The following PARP4 variants were observed in gnomAD, a reference collection of about 807,000 sequenced individuals.
PARP4 encodes the protein poly(ADP-ribose) polymerase family member 4, also known as protein mono-ADP-ribosyltransferase PARP4.
A neutral mutation model predicts 187.7 loss-of-function variants in PARP4; 120 were observed. That is an observed-to-expected ratio of 0.64 (90% confidence interval 0.55 to 0.74). The LOEUF is 0.74. Among genes scored for constraint, PARP4 ranks in the 30% least tolerant of loss-of-function variants. The pLI, the probability that PARP4 is intolerant of heterozygous loss-of-function variation, is 0.00. For missense variants in PARP4, 1,836 were observed against 2,070.5 expected (o/e 0.89, Z 2.20); for synonymous variants, 654 against 740.9 (o/e 0.88, Z 1.90).
intron 25 of PARP4, among the ~76,000 whole-genome samples, chr13:24,449,442 C>T (rs1871391624): frequency 7.1e-6 from 1 of 140,460 alleles, no homozygotes; most frequent in South Asian, 2.4e-4. Flanking sequence ...AATAAGGAAA[C>T]AATTTCAGCA....
In PARP4 at chr13:24,477,686, A is replaced by G. The variant is rs771937409; in HGVS notation, c.1789+15T>C. On this transcript the variant is annotated intron_variant, in intron 14 of 33. Transcript: ENST00000381989. ...ATATAATAACATAAAACAGCATTCAAGAAAATTGTCCTACCTTCAACCTTT... is the reference window on the plus strand; with the variant it reads ...ATATAATAACATAAAACAGCATTCAGGAAAATTGTCCTACCTTCAACCTTT... 2.1e-6 allele frequency: 3 copies of G among 1,454,718 alleles called. No homozygotes were observed. In the South Asian group the frequency reaches 3.7e-5, roughly 18 times the overall value. 90.1% of individuals were successfully genotyped at this position (1,454,718 alleles called of 1,614,324 possible). A position where few individuals can be genotyped will look rare whatever the true frequency, so the allele number is the denominator to read the frequency against.
chr13:24,448,281 G>A (rs752503038), intron 25 of PARP4, among the ~76,000 whole-genome samples: 19 of 152,044 alleles, frequency 1.2e-4, no homozygotes, highest in Non-Finnish European at 2.6e-4. Flanking sequence ...GGTGGCATAT[G>A]CCTGTAGTCC....
intron 26 of PARP4, 40 bp from the exon 27 acceptor site, chr13:24,446,801 C>T (rs1365958741): frequency 2.9e-6 from 4 of 1,401,494 alleles, no homozygotes; most frequent in Non-Finnish European, 4.0e-6. Flanking sequence ...TTAGCCTTTC[C>T]ACTCTGCAGT....
intron 17 of PARP4, among the ~76,000 whole-genome samples, chr13:24,466,940 G>T (rs4769358): frequency 0.51 from 77,333 of 151,968 alleles, 19,997 homozygotes; most frequent in South Asian, 0.65. Context: ...ACTAGCAAGA[G>T]GGTAGATATA....
Position 24,460,221 on chromosome 13 carries a change from T to C in PARP4, c.2134-85A>G, listed in dbSNP as rs147390000. ...TAACTCCACGTACTTCTTAAGCAAC[T>C]TGAATGACAACCTGCCAAATTCTTC... is the stretch of plus-strand genomic sequence containing the variant. On this transcript the variant is annotated intron_variant, in intron 17 of 33. Transcript: ENST00000381989. 6.8e-4 allele frequency: 782 copies of C among 1,156,434 alleles called. 7 individuals carry two copies. The African/African-American group carries it at 0.01, about 15-fold the overall frequency. The allele number at this position is 1,156,434 out of a possible 1,614,324, so 71.6% of individuals were successfully genotyped here.
chr13:24,498,978 AT>A (rs1488590145), intron 5 of PARP4, among the ~76,000 whole-genome samples: 1 of 152,172 alleles, frequency 6.6e-6, no homozygotes, highest in African/African-American at 2.4e-5. Context: ...TAAACTTTAA[AT>A]TCTAAACATA....
At chr13:24,424,615 G>C (rs1869920543) in intron 33 of PARP4, among the ~76,000 whole-genome samples, 1 of 150,704 alleles carries the variant, frequency 6.6e-6, no homozygotes, top group South Asian at 2.1e-4. Context: ...AGATTTCTTT[G>C]TAATATTTTT....
intron 15 of PARP4, among the ~76,000 whole-genome samples, chr13:24,473,522 G>A (rs1485229121): frequency 6.6e-6 from 1 of 151,614 alleles, no homozygotes; most frequent in East Asian, 1.9e-4. Context: ...AGGGTATAGA[G>A]AAGGAAGCAG....
Position 24,455,070 on chromosome 13 carries a change from G to A in PARP4, c.2705C>T (p.Ala902Val), listed in dbSNP as rs758277432. Residue 902 changes from alanine (A) to valine (V), a missense_variant, in exon 22 of 34, where the codon GCG becomes GTG. Ala to Val is a moderately conservative substitution (Grantham distance 64, BLOSUM62 0). This residue lies in a region of PARP4 where 1,147 missense variants were observed against 1,214.2 expected (regional missense o/e 0.94). Coordinates refer to ENST00000381989, the MANE Select transcript of PARP4 (RefSeq NM_006437.4). ...CTGCTTCTCACCCACCAAGGACAGC[G>A]CATGCAAGGCGATTTGCTTGGCTTG... ...FLQAKQIALHALSLVGEKQKV... is the reference protein window; with the variant it reads ...FLQAKQIALHVLSLVGEKQKV... 9.3e-6 allele frequency: 15 copies of A among 1,612,674 alleles called. No individual in the cohort carries two copies. Among genetic ancestry groups the A allele is most frequent in the Admixed American group, 5.0e-5 (3 of 59,966 alleles).
chr13:24,423,315 G>A (rs1216534284), intron 33 of PARP4, among the ~76,000 whole-genome samples: 1 of 152,140 alleles, frequency 6.6e-6, no homozygotes, highest in African/African-American at 2.4e-5. Flanking sequence ...GCCAATGCAG[G>A]CAGATCACTT....
intron 1 of PARP4, 74 bp from the exon 2 acceptor site, chr13:24,503,851 A>C (rs2137547741): frequency 7.7e-7 from 1 of 1,306,902 alleles, no homozygotes. Context: ...TTATACAAGC[A>C]AACTGTGGGA....
chr13:24,501,014 G>T (rs1013964056), intron 3 of PARP4, among the ~76,000 whole-genome samples: 1 of 152,088 alleles, frequency 6.6e-6, no homozygotes, highest in Non-Finnish European at 1.5e-5. Context: ...ACTATCATTT[G>T]CTGGGACATG....
In PARP4 at chr13:24,469,891, T is replaced by C. The variant is rs1442151138; in HGVS notation, c.2046+3A>G. On this transcript the variant is annotated splice_donor_region_variant and intron_variant, in intron 16 of 33. Transcript: ENST00000381989. The stretch of plus-strand genomic sequence containing the variant: ...GCGGGCACGATGCATCTTCTTGCCT[T>C]ACCTCTCCAACTATGTGCTTCCCAT... The C allele has an allele frequency of 6.2e-7, 1 of 1,611,834 alleles. No homozygotes were observed. The highest frequency in any genetic ancestry group is 1.7e-5 in the Admixed American group (1 of 59,426).
At chr13:24,508,888 T>C (rs1013781422) in intron 1 of PARP4, among the ~76,000 whole-genome samples, 4 of 152,216 alleles carry the variant, frequency 2.6e-5, no homozygotes, top group Non-Finnish European at 4.4e-5. Flanking sequence ...TTTAGCATTT[T>C]GTCATTAAAT....
At chr13:24,495,422 G>A (rs1868890400) in intron 6 of PARP4, among the ~76,000 whole-genome samples, 1 of 152,158 alleles carries the variant, frequency 6.6e-6, no homozygotes, top group South Asian at 2.1e-4. Flanking sequence ...CAGAAAGGAA[G>A]AACTGTTAGA....
intron 33 of PARP4, 144 bp downstream of exon 33, chr13:24,426,322 G>C (rs1446891526): frequency 1.6e-6 from 1 of 642,180 alleles, no homozygotes; most frequent in East Asian, 3.0e-5. Context: ...GAGACTATGG[G>C]CAAGCTGTCA....
At chr13:24,454,472 G>A (rs112281735) in intron 22 of PARP4, among the ~76,000 whole-genome samples, 2,098 of 152,264 alleles carry the variant, frequency 0.014, 47 homozygotes, top group African/African-American at 0.047. Flanking sequence ...TGGCTGAGAC[G>A]TCCCTGGGCC....
intron 33 of PARP4, among the ~76,000 whole-genome samples, chr13:24,425,280 G>A (rs1211405153): frequency 2.0e-5 from 3 of 152,100 alleles, no homozygotes; most frequent in East Asian, 3.9e-4. Context: ...CAGCCTGGGC[G>A]ATAGAGCCAG....
intron 10 of PARP4, 91 bp from the exon 11 acceptor site, chr13:24,486,396 A>G (rs903242388): frequency 3.7e-6 from 3 of 813,068 alleles, no homozygotes; most frequent in African/African-American, 3.5e-5. Context: ...AAGAGTCCAA[A>G]TGTCCATTAT....
Sources: gnomAD v4.1 joint callset for allele counts (sites outside exome capture counted in the v4.1 genomes callset) on GRCh38, gnomAD v4.1.1 for gene constraint, gnomAD v4.1.1 regional missense constraint, MANE v1.5 for transcripts, NCBI Gene and HGNC (gene_info 2026-07-23, HGNC 2026-07-21) for gene names.